Variants in SPG11 observed in about 807,000 individuals in gnomAD.
The protein encoded by SPG11 is SPG11 vesicle trafficking associated, spatacsin, also known as spatacsin.
Under a neutral mutation model 274.0 loss-of-function variants are expected in SPG11, and 222 were observed. The observed-to-expected ratio is 0.81, with a 90% CI of 0.73 to 0.91. The LOEUF (loss-of-function observed/expected upper bound fraction) is 0.91. Among genes scored for constraint, SPG11 ranks in the 40% least tolerant of loss-of-function variants. SPG11 has a pLI of 0.00. For missense variants in SPG11, 3,114 were observed against 2,872.7 expected (o/e 1.08, Z -1.92); for synonymous variants, 1,144 against 1,039.7 (o/e 1.10, Z -1.93).
rs1292532977 is a variant in SPG11, at chr15:44,583,739, A to G, written c.5866+75T>C. 11 of 1,601,348 alleles carry G rather than the reference A, an allele frequency of 6.9e-6. No homozygotes were observed. The African/African-American group carries it at 1.3e-4, about 19-fold the overall frequency. Reference sequence around the variant, plus strand: ...AACTTGGTAGAACTATTCTGCCACAAGGGTCCCTTCCTTCTTGGAGACAGT... The same window carrying G: ...AACTTGGTAGAACTATTCTGCCACAGGGGTCCCTTCCTTCTTGGAGACAGT... On this transcript the variant is annotated intron_variant, in intron 30 of 39. Coordinates refer to ENST00000261866, the MANE Select transcript of SPG11 (RefSeq NM_025137.4).
chr15:44,628,577 A>G, intron 10 of SPG11, 92 bp downstream of exon 10: 2 of 1,193,892 alleles, frequency 1.7e-6, no homozygotes, highest in Non-Finnish European at 2.5e-6. Context: ...CTGAATCACA[A>G]GTATATAGAG....
intron 7 of SPG11, among the ~76,000 whole-genome samples, chr15:44,636,925 C>CAAAAAAAAAAAAACAAAAAAAA (rs2084275682): frequency 1.1e-3 from 22 of 19,442 alleles, no homozygotes; most frequent in East Asian, 8.1e-3. Context: ...GACTCCATCT[C>CAAAAAAAAAAAAACAAAAAAAA]AAAAAAAAAA....
intron 34 of SPG11, among the ~76,000 whole-genome samples, chr15:44,569,912 TAGTC>T (rs768775367): frequency 4.6e-5 from 7 of 152,142 alleles, no homozygotes; most frequent in Non-Finnish European, 8.8e-5. Context: ...TTCACCATGT[TAGTC>T]AGGGTGGTCT....
intron 33 of SPG11, 88 bp downstream of exon 33, chr15:44,572,595 G>A: frequency 1.4e-6 from 2 of 1,409,638 alleles, no homozygotes; most frequent in East Asian, 2.3e-5. Flanking sequence ...AGCAGGAACA[G>A]GGACCCAAAT....
intron 39 of SPG11, among the ~76,000 whole-genome samples, chr15:44,563,818 T>C (rs1174122954): frequency 6.6e-6 from 1 of 152,174 alleles, no homozygotes; most frequent in Non-Finnish European, 1.5e-5. Flanking sequence ...GAGTGAGGGC[T>C]GTCAGCTCTG....
chr15:44,563,831 G>GT (rs1403010114), intron 39 of SPG11, among the ~76,000 whole-genome samples: 1 of 152,158 alleles, frequency 6.6e-6, no homozygotes, highest in Non-Finnish European at 1.5e-5. Context: ...CAGCTCTGAA[G>GT]TACCACTTAC....
In SPG11 at chr15:44,636,491, C is replaced by T. The variant is rs141809677; in HGVS notation, c.1603-2854G>A. Among the ~76,000 whole-genome samples, 1,254 of 150,714 alleles carry T rather than the reference C, an allele frequency of 8.3e-3. 12 individuals are homozygous for T. The highest frequency in any genetic ancestry group is 0.029 in the African/African-American group (1,207 of 41,124). On this transcript the variant is annotated intron_variant, in intron 7 of 39. Transcript: ENST00000261866. ...CCTGGCTACCATGGTGAAACCCCGTCTCTACTAAAAAATACAAAAAATTAG... is the reference window on the plus strand; with the variant it reads ...CCTGGCTACCATGGTGAAACCCCGTTTCTACTAAAAAATACAAAAAATTAG...
intron 8 of SPG11, among the ~76,000 whole-genome samples, chr15:44,629,793 G>A (rs982075621): frequency 6.0e-5 from 9 of 150,144 alleles, no homozygotes; most frequent in African/African-American, 1.7e-4. Flanking sequence ...TGGCAGGGCC[G>A]GGCGCAGTGG....
At chr15:44,640,966 G>C (rs745363069) in intron 7 of SPG11, among the ~76,000 whole-genome samples, 2 of 152,126 alleles carry the variant, frequency 1.3e-5, no homozygotes, top group African/African-American at 2.4e-5. Flanking sequence ...TTGACTTTGC[G>C]ATCTGCCTGC....
intron 19 of SPG11, 98 bp from the exon 20 acceptor site, chr15:44,606,189 CT>C: frequency 9.6e-7 from 1 of 1,037,386 alleles, no homozygotes; most frequent in East Asian, 2.6e-5. Context: ...GTCTGCTCCC[CT>C]TTTCCAAGGC....
chr15:44,574,513 G>A (rs1038270370), intron 31 of SPG11, among the ~76,000 whole-genome samples: 6 of 152,126 alleles, frequency 3.9e-5, no homozygotes, highest in African/African-American at 7.2e-5. Flanking sequence ...AGGTACAGAC[G>A]ATTTCTGCTT....
chr15:44,628,037 A>G (rs1331145118), intron 10 of SPG11, among the ~76,000 whole-genome samples: 1 of 152,190 alleles, frequency 6.6e-6, no homozygotes, highest in Non-Finnish European at 1.5e-5. Flanking sequence ...ATTGATTATG[A>G]TCATCTGTGT....
chr15:44,651,921 T>C lies in SPG11; in HGVS notation c.1026A>G (p.Leu342=), dbSNP rs1008060327. ...FQIDRSWKAQ[L]SSLNETIKNS... is the part of the protein sequence containing the mutation. ...TCTTTATTGTTTCATTCAATGATGA[T>C]AGCTGGGCTTTCCAAGACCTGGAAA... The change falls in exon 6 of 40, where the codon CTA becomes CTG. Residue 342 remains leucine (L), a synonymous_variant. Coordinates refer to ENST00000261866, the MANE Select transcript of SPG11 (RefSeq NM_025137.4). 5 of 1,610,976 alleles carry C rather than the reference T, an allele frequency of 3.1e-6. No individual in the cohort carries two copies. The highest frequency in any genetic ancestry group is 3.4e-5 in the Admixed American group (2 of 59,486).
At chr15:44,651,992 G>A in intron 5 of SPG11, 53 bp from the exon 6 acceptor site, 1 of 1,577,018 alleles carries the variant, frequency 6.3e-7, no homozygotes, top group Non-Finnish European at 8.6e-7. Flanking sequence ...AAGGCACTAT[G>A]TAAAACACTA....
intron 7 of SPG11, among the ~76,000 whole-genome samples, chr15:44,635,814 G>A (rs1268426194): frequency 1.3e-5 from 2 of 151,648 alleles, no homozygotes; most frequent in Non-Finnish European, 2.9e-5. Flanking sequence ...CTATTTGGGA[G>A]GCTGAGACAG....
At chr15:44,571,555 C>T (rs1256659636) in intron 33 of SPG11, among the ~76,000 whole-genome samples, 4 of 141,216 alleles carry the variant, frequency 2.8e-5, no homozygotes, top group South Asian at 2.2e-4. Flanking sequence ...TGGAGTGCAG[C>T]GGCGCCATCT....
intron 7 of SPG11, among the ~76,000 whole-genome samples, chr15:44,643,639 C>T (rs1255427484): frequency 6.6e-6 from 1 of 151,976 alleles, no homozygotes; most frequent in East Asian, 1.9e-4. Context: ...AGATTCAACA[C>T]CAAAAGCAAA....
At chr15:44,637,919 T>C (rs1394775454) in intron 7 of SPG11, among the ~76,000 whole-genome samples, 1 of 152,214 alleles carries the variant, frequency 6.6e-6, no homozygotes, top group African/African-American at 2.4e-5. Flanking sequence ...AAGATTGTCT[T>C]GTGGGACAAG....
intron 33 of SPG11, among the ~76,000 whole-genome samples, chr15:44,571,874 C>T (rs1183537368): frequency 6.6e-6 from 1 of 152,220 alleles, no homozygotes; most frequent in East Asian, 1.9e-4. Flanking sequence ...TCATTGCAAT[C>T]TCCAACTCCT....
Sources: gnomAD v4.1 joint callset for allele counts (sites outside exome capture counted in the v4.1 genomes callset) on GRCh38, gnomAD v4.1.1 for gene constraint, MANE v1.5 for transcripts, NCBI Gene and HGNC (gene_info 2026-07-23, HGNC 2026-07-21) for gene names.